Variants in RASAL2 observed in about 807,000 individuals in gnomAD.
RASAL2 encodes RAS protein activator like 2.
Under a neutral mutation model 128.9 loss-of-function variants are expected in RASAL2, and 58 were observed. The observed-to-expected ratio is 0.45, with a 90% CI of 0.36 to 0.56. RASAL2 has a LOEUF of 0.56. Among genes scored for constraint, RASAL2 ranks in the 20% least tolerant of loss-of-function variants. The pLI is 0.00. For synonymous variants in RASAL2, 561 were observed against 580.8 expected, an observed-to-expected ratio of 0.97 and a Z score of 0.49; for missense variants, 1,360 against 1,601.6, an observed-to-expected ratio of 0.85 and a Z score of 2.57.
intron 1 of RASAL2, among the ~76,000 whole-genome samples, chr1:178,265,920 T>C (rs958548511): frequency 6.6e-6 from 1 of 152,230 alleles, no homozygotes; most frequent in Admixed American, 6.5e-5. Context: ...GTCAAACATA[T>C]TGTTTTCTAT....
chr1:178,140,575 C>G (rs910100089), intron 1 of RASAL2, among the ~76,000 whole-genome samples: 10 of 152,150 alleles, frequency 6.6e-5, no homozygotes, highest in African/African-American at 2.2e-4. Context: ...TGGAGTCAGA[C>G]AGTATGTAGC....
intron 3 of RASAL2, among the ~76,000 whole-genome samples, chr1:178,381,666 A>C (rs1672294950): frequency 6.6e-6 from 1 of 152,100 alleles, no homozygotes; most frequent in South Asian, 2.1e-4. Context: ...GGCATAATCA[A>C]GACTAAATCT....
intron 3 of RASAL2, among the ~76,000 whole-genome samples, chr1:178,304,683 ATTC>A (rs1466854311): frequency 6.6e-6 from 1 of 152,196 alleles, no homozygotes; most frequent in Non-Finnish European, 1.5e-5. Context: ...AATGGAGACA[ATTC>A]TTCTTAAACG....
At chr1:178,096,173 C>T (rs1417982669) in intron 1 of RASAL2, among the ~76,000 whole-genome samples, 3 of 152,160 alleles carry the variant, frequency 2.0e-5, no homozygotes, top group Non-Finnish European at 4.4e-5. Context: ...TCTGAAAGTG[C>T]ATATGAATTA....
intron 1 of RASAL2, among the ~76,000 whole-genome samples, chr1:178,270,338 G>T (rs1475951613): frequency 6.6e-6 from 1 of 151,604 alleles, no homozygotes; most frequent in Non-Finnish European, 1.5e-5. Flanking sequence ...GACCCTCCTA[G>T]ATTGGTTTCT....
At chr1:178,320,766 G>T (rs564679028) in intron 3 of RASAL2, among the ~76,000 whole-genome samples, 1 of 152,194 alleles carries the variant, frequency 6.6e-6, no homozygotes, top group Non-Finnish European at 1.5e-5. Flanking sequence ...CCTCGCTCAC[G>T]CTGGGAGCTG....
intron 3 of RASAL2, among the ~76,000 whole-genome samples, chr1:178,314,180 C>G (rs759977886): frequency 6.6e-6 from 1 of 152,150 alleles, no homozygotes; most frequent in South Asian, 2.1e-4. Flanking sequence ...CTTGTAGACT[C>G]ACAGCAACCT....
chr1:178,201,186 T>A (rs1662854983), intron 1 of RASAL2, among the ~76,000 whole-genome samples: 2 of 152,206 alleles, frequency 1.3e-5, no homozygotes, highest in African/African-American at 4.8e-5. Flanking sequence ...TAGAGTTGGA[T>A]CAGGCTGAAT....
rs748235547 is a variant in RASAL2 at position 178,094,472 on chromosome 1, C to G, written c.-21C>G. 63 of 1,532,816 alleles carry G rather than the reference C, an allele frequency of 4.1e-5. No homozygotes were observed. In the South Asian group the frequency reaches 6.9e-4, roughly 17 times the overall value. 95.0% of individuals were successfully genotyped at this position (1,532,816 alleles called of 1,614,324 possible). Reference sequence around the variant, plus strand: ...CCCGCCCCGAAGCCGCCGCCTCGTCCCCCTCCCGCCTCGGGGCACCATGGA... The same window carrying G: ...CCCGCCCCGAAGCCGCCGCCTCGTCGCCCTCCCGCCTCGGGGCACCATGGA... On this transcript the variant is annotated 5_prime_UTR_variant, in exon 1 of 18. Coordinates refer to ENST00000367649, the MANE Select transcript of RASAL2 (RefSeq NM_170692.4).
At chr1:178,448,434 A>G (rs1267554757) in intron 9 of RASAL2, among the ~76,000 whole-genome samples, 1 of 152,198 alleles carries the variant, frequency 6.6e-6, no homozygotes, top group Non-Finnish European at 1.5e-5. Context: ...AAGCAGACAC[A>G]TTATAGTAGC....
chr1:178,242,536 T>C (rs1005419647), intron 1 of RASAL2, among the ~76,000 whole-genome samples: 1 of 146,492 alleles, frequency 6.8e-6, no homozygotes, highest in Non-Finnish European at 1.5e-5. Context: ...CAAGCAGTCC[T>C]CCACCCTCGG....
At chr1:178,133,854 A>G (rs1405221771) in intron 1 of RASAL2, among the ~76,000 whole-genome samples, 3 of 152,306 alleles carry the variant, frequency 2.0e-5, no homozygotes, top group East Asian at 1.9e-4. Context: ...GTTCTTTATG[A>G]GTGACTGTCA....
At chr1:178,154,859 T>C (rs1449379720) in intron 1 of RASAL2, among the ~76,000 whole-genome samples, 1 of 152,208 alleles carries the variant, frequency 6.6e-6, no homozygotes, top group African/African-American at 2.4e-5. Context: ...GTTTCACTCT[T>C]GTTGCCCAGG....
At chr1:178,323,739 AATG>A (rs1249619912) in intron 3 of RASAL2, among the ~76,000 whole-genome samples, 11 of 152,112 alleles carry the variant, frequency 7.2e-5, no homozygotes, top group African/African-American at 2.7e-4. Context: ...ATTTATAGAG[AATG>A]ATAAGAGAAA....
chr1:178,109,364 G>T (rs906416198), intron 1 of RASAL2, among the ~76,000 whole-genome samples: 1 of 152,042 alleles, frequency 6.6e-6, no homozygotes, highest in Non-Finnish European at 1.5e-5. Flanking sequence ...AGTCTCCCAG[G>T]GAGCTGGGAT....
intron 1 of RASAL2, among the ~76,000 whole-genome samples, chr1:178,263,419 A>T (rs1004043083): frequency 6.6e-6 from 1 of 152,212 alleles, no homozygotes; most frequent in Non-Finnish European, 1.5e-5. Context: ...GAAGTTAAGT[A>T]TCTTGACTAG....
At chr1:178,143,131 T>G (rs2101863174) in intron 1 of RASAL2, among the ~76,000 whole-genome samples, 1 of 152,184 alleles carries the variant, frequency 6.6e-6, no homozygotes, top group Admixed American at 6.5e-5. Context: ...CCATTAAATT[T>G]TAATATCATA....
chr1:178,241,930 G>A (rs941017783), intron 1 of RASAL2, among the ~76,000 whole-genome samples: 1 of 152,186 alleles, frequency 6.6e-6, no homozygotes, highest in Non-Finnish European at 1.5e-5. Flanking sequence ...TTTACCTCTA[G>A]CTCTCTCTTC....
rs746959700 is a variant in RASAL2, at chr1:178,443,100, A to C, written c.1353A>C (p.Glu451Asp). The part of the protein sequence containing the change: ...ITILPMEQYK[E>D]FAEFVTSNYT... Reference sequence around the variant, plus strand: ...TTCTGCCTATGGAGCAATACAAAGAATTTGCAGAATTTGTCACCAGCAACT... The same window carrying C: ...TTCTGCCTATGGAGCAATACAAAGACTTTGCAGAATTTGTCACCAGCAACT... Residue 451 changes from glutamate (E) to aspartate (D), a missense_variant, in exon 8 of 18, where the codon GAA becomes GAC. Physicochemically the swap from Glu to Asp is conservative, Grantham distance 45 (BLOSUM62 2). This residue lies in a region of RASAL2 where 617 missense variants were observed against 714.2 expected (regional missense o/e 0.86). Transcript: ENST00000367649. The C allele has an allele frequency of 6.2e-7, 1 of 1,613,972 alleles. No homozygotes were observed.
Sources: allele counts gnomAD v4.1 joint callset (sites outside exome capture counted in the v4.1 genomes callset), GRCh38; gene constraint gnomAD v4.1.1; regional missense constraint gnomAD v4.1.1; transcripts MANE v1.5; gene names NCBI Gene and HGNC (gene_info 2026-07-23, HGNC 2026-07-21).